The following DCDC2 variants were observed in gnomAD, a reference collection of about 807,000 sequenced individuals.
DCDC2 encodes doublecortin domain containing 2.
DCDC2 carries 40 observed loss-of-function variants against 50.2 expected under a neutral mutation model. The observed-to-expected ratio is 0.80, with a 90% CI of 0.62 to 1.04. The LOEUF is 1.04. Ranked by LOEUF, DCDC2 falls within the 50% of genes least tolerant of loss-of-function variation. DCDC2 has a pLI of 0.00. For synonymous variants in DCDC2, 234 were observed against 210.6 expected (o/e 1.11, Z -0.96); for missense variants, 570 against 581.9 (o/e 0.98, Z 0.21).
intron 2 of DCDC2, among the ~76,000 whole-genome samples, chr6:24,319,856 T>A (rs1320795145): frequency 6.6e-6 from 1 of 152,094 alleles, no homozygotes; most frequent in African/African-American, 2.4e-5. Context: ...GCAACCCTTC[T>A]CTCAGTATAT....
chr6:24,300,510 T>C (rs750549019), intron 4 of DCDC2, among the ~76,000 whole-genome samples: 58 of 152,372 alleles, frequency 3.8e-4, no homozygotes, highest in African/African-American at 1.2e-3. Flanking sequence ...TCTTTACTTA[T>C]ATCGTATTTG....
At position 24,306,730 on chromosome 6, in the gene DCDC2, A is replaced by G. The variant is rs78333378; in HGVS notation, c.349-4686T>C. ...TATATCACCCTGTCTCTGACATCTT[A>G]TTTAGATTAGATTTTATGTCACAGA... On this transcript the variant is annotated intron_variant, in intron 2 of 9. Coordinates refer to ENST00000378454, the MANE Select transcript of DCDC2 (RefSeq NM_016356.5). Among the ~76,000 whole-genome samples the G allele has an allele frequency of 3.6e-3, 554 of 152,268 alleles. 2 individuals are homozygous for G. Among genetic ancestry groups the G allele is most frequent in the African/African-American group, 0.012 (510 of 41,556 alleles).
At position 24,210,238 on chromosome 6, in the gene DCDC2, T is replaced by C. The variant is rs1409739893; in HGVS notation, c.923-5136A>G. On this transcript the variant is annotated intron_variant, in intron 7 of 9. Transcript: ENST00000378454. ...TACACACTTTCTAGATTAATCTCAT[T>C]TGAGTACCATCAATGTGCCAGTGAT... is the stretch of plus-strand genomic sequence containing the variant. 3.9e-5 allele frequency among the ~76,000 whole-genome samples: 6 copies of C among 152,300 alleles called. No homozygotes were observed. In the East Asian group the frequency reaches 1.2e-3, roughly 29 times the overall value.
In DCDC2 at chr6:24,327,479, T is replaced by G. The variant is rs9467112; in HGVS notation, c.349-25435A>C. ...TTATTTATTTATTTATTTATTTATT[T>G]ATTTATTGGCTGATACGGAGTTTTG... On this transcript the variant is annotated intron_variant, in intron 2 of 9. Coordinates refer to ENST00000378454, the MANE Select transcript of DCDC2 (RefSeq NM_016356.5). Among the ~76,000 whole-genome samples the G allele has an allele frequency of 6.4e-3, 827 of 130,230 alleles. 45 individuals carry two copies. The highest frequency in any genetic ancestry group is 9.4e-3 in the African/African-American group (247 of 26,282). The allele number at this position is 130,230 out of a possible 152,430, so 85.4% of individuals were successfully genotyped here. A position where few individuals can be genotyped will look rare whatever the true frequency, so the allele number is the denominator to read the frequency against.
chr6:24,339,561 A>C (rs1199806601), intron 2 of DCDC2, among the ~76,000 whole-genome samples: 2 of 152,140 alleles, frequency 1.3e-5, no homozygotes, highest in African/African-American at 4.8e-5. Context: ...TCCCACATGA[A>C]AGAAGGCTTA....
chr6:24,251,613 T>A (rs1762795720), intron 7 of DCDC2, among the ~76,000 whole-genome samples: 1 of 152,156 alleles, frequency 6.6e-6, no homozygotes, highest in Admixed American at 6.5e-5. Context: ...GCTTCAGCTC[T>A]CTGGTCTTGA....
At chr6:24,375,916 G>T in the DCDC2 span, among the ~76,000 whole-genome samples, 1 of 152,088 alleles carries the variant, frequency 6.6e-6, no homozygotes, top group Non-Finnish European at 1.5e-5. Flanking sequence ...CATCCTAGCT[G>T]GAGTCTCAGC....
At chr6:24,377,176 C>A in the DCDC2 span, among the ~76,000 whole-genome samples, 1 of 152,200 alleles carries the variant, frequency 6.6e-6, no homozygotes, top group Non-Finnish European at 1.5e-5. Flanking sequence ...CTGCCACAGT[C>A]CGCTGGGAAC....
intron 8 of DCDC2, among the ~76,000 whole-genome samples, chr6:24,198,744 G>A (rs934819873): frequency 1.2e-4 from 19 of 152,166 alleles, no homozygotes; most frequent in African/African-American, 4.6e-4. Flanking sequence ...GCCCCAGCAA[G>A]CTAAGATCTA....
rs148483920 is a variant in DCDC2, at chr6:24,337,522, G to A, written c.348+16047C>T. Among the ~76,000 whole-genome samples the A allele has an allele frequency of 2.8e-3, 419 of 152,216 alleles. 1 individual carries two copies. The highest frequency in any genetic ancestry group is 9.4e-3 in the African/African-American group (390 of 41,542). ...AAGAAGAGTATTAAGAGCCAGGCACGGTGGCTCACACCTGTAATCCCAGCA... is the reference window on the plus strand; with the variant it reads ...AAGAAGAGTATTAAGAGCCAGGCACAGTGGCTCACACCTGTAATCCCAGCA... On this transcript the variant is annotated intron_variant, in intron 2 of 9. Transcript: ENST00000378454.
intron 2 of DCDC2, among the ~76,000 whole-genome samples, chr6:24,329,148 C>G (rs924338841): frequency 6.6e-6 from 1 of 152,002 alleles, no homozygotes; most frequent in Non-Finnish European, 1.5e-5. Context: ...TCCCTACTGA[C>G]GGAAACACAT....
intron 2 of DCDC2, among the ~76,000 whole-genome samples, chr6:24,338,256 TCA>T (rs1273419894): frequency 5.3e-5 from 8 of 152,112 alleles, no homozygotes; most frequent in Admixed American, 1.3e-4. Flanking sequence ...GCACAAACAC[TCA>T]CAGTGAGTTC....
At chr6:24,302,098 T>A in intron 2 of DCDC2, 54 bp from the exon 3 acceptor site, 1 of 1,502,412 alleles carries the variant, frequency 6.7e-7, no homozygotes, top group Non-Finnish European at 9.1e-7. Flanking sequence ...TTAGCTTTTT[T>A]TTTCCTATGA....
chr6:24,294,178 GA>G (rs896995427), intron 4 of DCDC2, among the ~76,000 whole-genome samples: 5 of 152,228 alleles, frequency 3.3e-5, no homozygotes, highest in African/African-American at 9.6e-5. Flanking sequence ...GCAACATAGT[GA>G]AACCCCGTCT....
chr6:24,221,637 C>G (rs1184922752), intron 7 of DCDC2, among the ~76,000 whole-genome samples: 2 of 152,212 alleles, frequency 1.3e-5, no homozygotes, highest in Non-Finnish European at 1.5e-5. Context: ...ACAGGGAAAG[C>G]AACCTAGTTT....
intron 7 of DCDC2, among the ~76,000 whole-genome samples, chr6:24,233,097 T>A (rs1762372602): frequency 6.6e-6 from 1 of 152,228 alleles, no homozygotes; most frequent in African/African-American, 2.4e-5. Flanking sequence ...CTGATGACAA[T>A]GGCGATCAGA....
At chr6:24,215,942 G>A (rs913893067) in intron 7 of DCDC2, among the ~76,000 whole-genome samples, 10 of 152,152 alleles carry the variant, frequency 6.6e-5, no homozygotes, top group African/African-American at 2.4e-4. Context: ...AGCTGAAGAA[G>A]GACTCTCAGG....
At chr6:24,287,407 G>C (rs1017857774) in intron 6 of DCDC2, among the ~76,000 whole-genome samples, 5 of 152,140 alleles carry the variant, frequency 3.3e-5, no homozygotes, top group African/African-American at 2.4e-5. Context: ...CCAGGCTGAA[G>C]TGCAGTGGGG....
At chr6:24,210,019 G>GGGGTGTGTGT (rs1360438467) in intron 7 of DCDC2, among the ~76,000 whole-genome samples, 6 of 145,194 alleles carry the variant, frequency 4.1e-5, no homozygotes, top group South Asian at 2.2e-4. Context: ...GCAGTATCAG[G>GGGGTGTGTGT]GTGTGTGTGT....
Sources: gnomAD v4.1 joint callset for allele counts (sites outside exome capture counted in the v4.1 genomes callset) on GRCh38, gnomAD v4.1.1 for gene constraint, MANE v1.5 for transcripts, NCBI Gene and HGNC (gene_info 2026-07-23, HGNC 2026-07-21) for gene names.